OPCML: variants seen among roughly 807,000 people sequenced by gnomAD.
OPCML encodes opioid binding protein/cell adhesion molecule like, also known as opioid-binding protein/cell adhesion molecule.
OPCML carries 13 observed loss-of-function variants against 37.8 expected under a neutral mutation model. The ratio of observed to expected loss-of-function variants is 0.34; its 90% confidence interval spans 0.22 to 0.55. The LOEUF (loss-of-function observed/expected upper bound fraction) is 0.55, where lower values mean the gene tolerates loss of function less well. Ranked by LOEUF, OPCML falls within the 20% of genes least tolerant of loss-of-function variation. The pLI is 0.91. For missense variants in OPCML, 341 were observed against 435.6 expected (o/e 0.78, Z 1.93); for synonymous variants, 176 against 168.8 (o/e 1.04, Z -0.33).
chr11:133,252,881 C>A (rs886301563), intron 1 of OPCML, among the ~76,000 whole-genome samples: 1 of 152,172 alleles, frequency 6.6e-6, no homozygotes, highest in African/African-American at 2.4e-5. Context: ...GGTACGGTGG[C>A]TCATGCCTGT....
Position 133,199,741 on chromosome 11 carries a change from T to A in OPCML, c.62-256731A>T, listed in dbSNP as rs151177159. On this transcript the variant is annotated intron_variant, in intron 1 of 7. Transcript: ENST00000524381. ...AAGGCCTCTAATCCTTAATTAATGCTAACTACCAACACCTCATACTGCAGT... is the reference window on the plus strand; with the variant it reads ...AAGGCCTCTAATCCTTAATTAATGCAAACTACCAACACCTCATACTGCAGT... Among the ~76,000 whole-genome samples the A allele has an allele frequency of 6.0e-3, 908 of 152,296 alleles. 11 individuals carry two copies. The highest frequency in any genetic ancestry group is 0.02 in the African/African-American group (823 of 41,558).
In OPCML at chr11:133,520,333, A is replaced by G. The variant is rs563610986; in HGVS notation, c.61+11931T>C. Among the ~76,000 whole-genome samples the G allele has an allele frequency of 2.6e-5, 4 of 152,184 alleles. No individual in the cohort carries two copies. In the South Asian group the frequency reaches 8.3e-4, roughly 32 times the overall value. The stretch of plus-strand genomic sequence containing the variant: ...TGGGTCTTTTTCTGAGGCTCCCAAG[A>G]AGCTGAGCCTGCTGGATTAGGGCAG... On this transcript the variant is annotated intron_variant, in intron 1 of 7. Coordinates refer to ENST00000524381, the MANE Select transcript of OPCML (RefSeq NM_001012393.5).
At chr11:132,526,512 C>T (rs186281743) in intron 4 of OPCML, among the ~76,000 whole-genome samples, 5 of 152,038 alleles carry the variant, frequency 3.3e-5, no homozygotes, top group Admixed American at 6.6e-5. Flanking sequence ...GGTCTTTATA[C>T]CAAGAATATT....
intron 3 of OPCML, among the ~76,000 whole-genome samples, chr11:132,642,433 T>C (rs1332827093): frequency 6.6e-6 from 1 of 150,902 alleles, no homozygotes; most frequent in Non-Finnish European, 1.5e-5. Context: ...GTATCACACA[T>C]AAACACACAC....
At chr11:132,668,764 T>A (rs1238877676) in intron 2 of OPCML, among the ~76,000 whole-genome samples, 1 of 152,234 alleles carries the variant, frequency 6.6e-6, no homozygotes, top group Non-Finnish European at 1.5e-5. Flanking sequence ...ACAAGAAATT[T>A]ACATTTTTAG....
intron 3 of OPCML, among the ~76,000 whole-genome samples, chr11:132,606,094 G>A (rs150221557): frequency 5.3e-5 from 8 of 152,160 alleles, no homozygotes; most frequent in African/African-American, 1.9e-4. Context: ...GTTCAAATTG[G>A]CAGAAGGAAT....
intron 1 of OPCML, among the ~76,000 whole-genome samples, chr11:133,193,480 C>T (rs912643419): frequency 3.9e-5 from 6 of 152,124 alleles, no homozygotes; most frequent in Non-Finnish European, 8.8e-5. Context: ...AGAGATTGCC[C>T]CCATTTATTC....
chr11:132,934,911 G>T (rs6590667), intron 2 of OPCML, among the ~76,000 whole-genome samples: 3,664 of 152,148 alleles, frequency 0.024, 153 homozygotes, highest in African/African-American at 0.082. Flanking sequence ...AGGCCGGGAT[G>T]GGGGGAACAC....
intron 2 of OPCML, among the ~76,000 whole-genome samples, chr11:132,850,887 C>T (rs1941779868): frequency 1.3e-5 from 2 of 152,098 alleles, no homozygotes; most frequent in Non-Finnish European, 2.9e-5. Context: ...TTTTTTTCTG[C>T]CTTTACCATC....
intron 1 of OPCML, among the ~76,000 whole-genome samples, chr11:133,101,130 G>A (rs575152747): frequency 3.3e-5 from 5 of 152,168 alleles, no homozygotes; most frequent in Admixed American, 3.3e-4. Flanking sequence ...TCACCATATT[G>A]GCCAGGCTGG....
chr11:132,728,185 G>T (rs527789214), intron 2 of OPCML, among the ~76,000 whole-genome samples: 1 of 149,506 alleles, frequency 6.7e-6, no homozygotes, highest in South Asian at 2.3e-4. Flanking sequence ...GACAGCGCCC[G>T]CACCCTGTCT....
Position 133,532,430 on chromosome 11 carries a change from T to G in OPCML, c.-106A>C. 1 of 1,372,448 alleles carries G rather than the reference T, an allele frequency of 7.3e-7. No homozygotes were observed. Among genetic ancestry groups the G allele is most frequent in the Non-Finnish European group, 1.0e-6 (1 of 987,092 alleles). The allele number at this position is 1,372,448 out of a possible 1,614,324, so 85.0% of individuals were successfully genotyped here. The stretch of plus-strand genomic sequence containing the variant: ...ATTCTGAGCAGGTTTAAATCCAATG[T>G]TTGCAAAGGGAGGGAGAGAGCAGAA... On this transcript the variant is annotated 5_prime_UTR_variant, in exon 1 of 8. Transcript: ENST00000524381.
intron 2 of OPCML, among the ~76,000 whole-genome samples, chr11:132,928,638 G>C (rs529251820): frequency 6.6e-6 from 1 of 152,102 alleles, no homozygotes; most frequent in African/African-American, 2.4e-5. Context: ...GAAATGTACA[G>C]AACACTCCAC....
At chr11:133,053,051 T>G (rs1357990810) in intron 1 of OPCML, among the ~76,000 whole-genome samples, 1 of 152,230 alleles carries the variant, frequency 6.6e-6, no homozygotes, top group Non-Finnish European at 1.5e-5. Context: ...AGTTAAGAAT[T>G]TCATTCATTT....
At chr11:133,252,993 A>C (rs1941188767) in intron 1 of OPCML, among the ~76,000 whole-genome samples, 1 of 152,060 alleles carries the variant, frequency 6.6e-6, no homozygotes, top group South Asian at 2.1e-4. Context: ...TAAAAATACA[A>C]AAATTAGCTG....
intron 3 of OPCML, among the ~76,000 whole-genome samples, chr11:132,595,153 G>T (rs2096490499): frequency 6.6e-6 from 1 of 152,148 alleles, no homozygotes; most frequent in East Asian, 1.9e-4. Context: ...GCTGTGCTGC[G>T]GTTTGTGAGA....
At chr11:132,940,192 C>T (rs372428801) in intron 2 of OPCML, among the ~76,000 whole-genome samples, 5 of 152,276 alleles carry the variant, frequency 3.3e-5, no homozygotes, top group African/African-American at 1.2e-4. Context: ...GAAAATCACT[C>T]TTCTCTGAGC....
At chr11:132,916,400 C>G (rs1477002499) in intron 2 of OPCML, among the ~76,000 whole-genome samples, 1 of 152,120 alleles carries the variant, frequency 6.6e-6, no homozygotes, top group African/African-American at 2.4e-5. Flanking sequence ...GAGTCAGTGG[C>G]AAGCCTTCTA....
chr11:133,087,266 T>C (rs765168268), intron 1 of OPCML, among the ~76,000 whole-genome samples: 8 of 152,220 alleles, frequency 5.3e-5, no homozygotes, highest in South Asian at 2.1e-4. Context: ...AAGATGTTAA[T>C]AAGCATTTTC....
Sources: allele counts gnomAD v4.1 joint callset (sites outside exome capture counted in the v4.1 genomes callset), GRCh38; gene constraint gnomAD v4.1.1; transcripts MANE v1.5; gene names NCBI Gene and HGNC (gene_info 2026-07-23, HGNC 2026-07-21).